The following MYCBP2 variants were observed in gnomAD, a reference collection of about 807,000 sequenced individuals.
MYCBP2 encodes E3 ubiquitin-protein ligase MYCBP2.
Under a neutral mutation model 525.3 loss-of-function variants are expected in MYCBP2, and 120 were observed. The ratio of observed to expected loss-of-function variants is 0.23; its 90% confidence interval spans 0.20 to 0.27. MYCBP2 has a LOEUF of 0.27. Ranked by LOEUF, MYCBP2 falls within the 10% of genes least tolerant of loss-of-function variation. The pLI is 1.00. For missense variants in MYCBP2, 4,149 were observed against 5,657.1 expected, an observed-to-expected ratio of 0.73 and a Z score of 8.55; for synonymous variants, 1,894 against 1,955.8, an observed-to-expected ratio of 0.97 and a Z score of 0.83.
At chr13:77,301,422 CAAAAAAAAAAAAAAAAA>C (rs11338423) in intron 1 of MYCBP2, among the ~76,000 whole-genome samples, 2 of 40,510 alleles carry the variant, frequency 4.9e-5, no homozygotes, top group Non-Finnish European at 4.9e-5. Context: ...GACTCCATCT[CAAAAAAAAAAAAAAAAA>C]AAAAAAAAAA....
Position 77,045,146 on chromosome 13 carries a change from C to A in MYCBP2, c.*232G>T. The A allele has an allele frequency of 2.2e-6, 1 of 461,908 alleles. No individual in the cohort carries two copies. Among genetic ancestry groups the A allele is most frequent in the Non-Finnish European group, 3.8e-6 (1 of 262,382 alleles). 28.6% of individuals were successfully genotyped at this position (461,908 alleles called of 1,614,324 possible). A position where few individuals can be genotyped will look rare whatever the true frequency, so the allele number is the denominator to read the frequency against. ...GACGGTAATGGCCACATGCAAACAC[C>A]TCACAAGTTTGATGTCATTTGTTCA... On this transcript the variant is annotated 3_prime_UTR_variant, in exon 83 of 83. Transcript: ENST00000544440.
chr13:77,136,829 CCT>C (rs1263341705), intron 52 of MYCBP2, among the ~76,000 whole-genome samples: 1 of 152,104 alleles, frequency 6.6e-6, no homozygotes, highest in Non-Finnish European at 1.5e-5. Flanking sequence ...TGCATATTCC[CCT>C]CTCTTTTACA....
At chr13:77,164,579 T>C (rs762874544) in intron 42 of MYCBP2, 38 bp from the exon 43 acceptor site, 59 of 1,223,118 alleles carry the variant, frequency 4.8e-5, no homozygotes, top group Non-Finnish European at 6.3e-5. Context: ...TTAAAAATGT[T>C]TGAATGATAA....
intron 15 of MYCBP2, among the ~76,000 whole-genome samples, chr13:77,247,409 C>T (rs56995938): frequency 0.028 from 4,266 of 152,210 alleles, 85 homozygotes; most frequent in East Asian, 0.053. Flanking sequence ...AACTACAAAA[C>T]ATTGCTGAAA....
chr13:77,312,597 T>C (rs995844571), intron 1 of MYCBP2, among the ~76,000 whole-genome samples: 1 of 151,826 alleles, frequency 6.6e-6, no homozygotes, highest in African/African-American at 2.4e-5. Context: ...CAAAGAGATA[T>C]TGCTGAAAAG....
intron 38 of MYCBP2, 94 bp from the exon 39 acceptor site, chr13:77,169,808 T>A: frequency 2.8e-6 from 3 of 1,071,370 alleles, no homozygotes; most frequent in Non-Finnish European, 1.4e-6. Flanking sequence ...TCTGCTCTTT[T>A]GAGCGAAACT....
intron 14 of MYCBP2, among the ~76,000 whole-genome samples, chr13:77,253,721 TA>T (rs1303364062): frequency 6.6e-6 from 1 of 152,020 alleles, no homozygotes; most frequent in Admixed American, 6.6e-5. Context: ...ATGCATATTA[TA>T]CTTCAATGTA....
At chr13:77,118,457 G>C in intron 55 of MYCBP2, 1 of 764,980 alleles carries the variant, frequency 1.3e-6, no homozygotes, top group Non-Finnish European at 2.4e-6. Context: ...AGATTGGGTC[G>C]TGACTGAATG....
At chr13:77,237,713 C>T (rs554282281) in intron 17 of MYCBP2, among the ~76,000 whole-genome samples, 1 of 152,126 alleles carries the variant, frequency 6.6e-6, no homozygotes, top group Non-Finnish European at 1.5e-5. Flanking sequence ...ATATCTATCA[C>T]AGTATGAAAT....
intron 76 of MYCBP2, among the ~76,000 whole-genome samples, chr13:77,060,788 G>A (rs1594122202): frequency 6.6e-6 from 1 of 152,108 alleles, no homozygotes; most frequent in Non-Finnish European, 1.5e-5. Context: ...AGAGATCTTA[G>A]TGATCATCTA....
At chr13:77,219,250 T>C (rs979156415) in intron 20 of MYCBP2, among the ~76,000 whole-genome samples, 1 of 151,884 alleles carries the variant, frequency 6.6e-6, no homozygotes, top group Non-Finnish European at 1.5e-5. Flanking sequence ...GTTTCAAGCG[T>C]GGAAAATAAA....
chr13:77,087,838 T>C (rs2044616012), intron 61 of MYCBP2: 2 of 454,664 alleles, frequency 4.4e-6, no homozygotes, highest in African/African-American at 2.0e-5. Flanking sequence ...TGGAGTACAG[T>C]GGTGTGATCA....
rs770465994 is a variant in MYCBP2 at position 77,205,532 on chromosome 13, G to A, written c.3656C>T (p.Thr1219Ile). The A allele has an allele frequency of 1.5e-5, 24 of 1,613,558 alleles. 1 individual carries two copies. In the South Asian group the frequency reaches 2.4e-4, roughly 16 times the overall value. The change falls in exon 25 of 83, where the codon ACT becomes ATT. Residue 1219 changes from threonine to isoleucine, a missense_variant. Physicochemically the swap from Thr to Ile is moderately conservative, Grantham distance 89 (BLOSUM62 -1). This residue lies in a region of MYCBP2 where 620 missense variants were observed against 795.5 expected (regional missense o/e 0.78). Transcript: ENST00000544440. ...AGAATAAACCTTCATTACTGCTTGA[G>A]TCTCTTCCTCTGTACTTGCAACACC... ...KMGVASTEEE[T>I]QAVMKVYSKE...
intron 17 of MYCBP2, among the ~76,000 whole-genome samples, chr13:77,237,308 AC>A (rs2068061819): frequency 6.6e-6 from 1 of 152,118 alleles, no homozygotes; most frequent in Admixed American, 6.5e-5. Context: ...TATACAGAAT[AC>A]TACTTTTGTA....
rs2056354108 is a variant in MYCBP2 at position 77,150,826 on chromosome 13, T to A, written c.7039A>T (p.Thr2347Ser). Residue 2347 changes from threonine (T) to serine (S), a missense_variant, in exon 47 of 83, where the codon ACT becomes TCT. Transcript: ENST00000544440. ...TTTGGTGATGCCAGCCCTCCATAAGTCATGTCAGTATTAGAAGATGCAGCT... is the reference window on the plus strand; with the variant it reads ...TTTGGTGATGCCAGCCCTCCATAAGACATGTCAGTATTAGAAGATGCAGCT... The part of the protein sequence containing the change: ...VTAASSNTDM[T>S]YGGLASPKLD... The A allele has an allele frequency of 3.1e-6, 5 of 1,614,018 alleles. No individual in the cohort carries two copies. The highest frequency in any genetic ancestry group is 3.3e-4 in the Middle Eastern group (2 of 6,084).
chr13:77,138,677 T>C (rs1594840726), intron 52 of MYCBP2, among the ~76,000 whole-genome samples: 1 of 152,152 alleles, frequency 6.6e-6, no homozygotes, highest in African/African-American at 2.4e-5. Context: ...TCTCAAAGAC[T>C]AGGATTTAAC....
chr13:77,199,051 A>G (rs1306713295), intron 26 of MYCBP2, among the ~76,000 whole-genome samples: 1 of 152,200 alleles, frequency 6.6e-6, no homozygotes, highest in Non-Finnish European at 1.5e-5. Flanking sequence ...AGATGGCTGA[A>G]TAGGAACAGC....
chr13:77,149,077 T>C (rs369831910), intron 47 of MYCBP2, among the ~76,000 whole-genome samples: 8 of 152,114 alleles, frequency 5.3e-5, no homozygotes, highest in African/African-American at 1.9e-4. Flanking sequence ...CTATCTCTAT[T>C]AATAAGACCC....
At chr13:77,234,202 A>C (rs1393088783) in intron 17 of MYCBP2, among the ~76,000 whole-genome samples, 5 of 151,988 alleles carry the variant, frequency 3.3e-5, no homozygotes, top group Non-Finnish European at 7.4e-5. Context: ...CTTATACAGC[A>C]GAACTATAGT....
Sources: gnomAD v4.1 joint callset for allele counts (sites outside exome capture counted in the v4.1 genomes callset) on GRCh38, gnomAD v4.1.1 for gene constraint, gnomAD v4.1.1 regional missense constraint, MANE v1.5 for transcripts, NCBI Gene and HGNC (gene_info 2026-07-23, HGNC 2026-07-21) for gene names.